The following CBL variants were observed in gnomAD, a reference collection of about 807,000 sequenced individuals.
CBL encodes Cbl proto-oncogene.
In CBL, 45 loss-of-function variants were observed where a neutral mutation model predicts 96.9. The ratio of observed to expected loss-of-function variants is 0.46; its 90% CI spans 0.37 to 0.60. CBL has a LOEUF of 0.60. Among genes scored for constraint, CBL ranks in the 20% least tolerant of loss-of-function variants. The pLI is 0.00. For synonymous variants in CBL, 420 were observed against 426.8 expected, an observed-to-expected ratio of 0.98 and a Z score of 0.20; for missense variants, 1,024 against 1,143.5, an observed-to-expected ratio of 0.90 and a Z score of 1.51.
chr11:119,240,941 C>T (rs565176187), intron 2 of CBL, among the ~76,000 whole-genome samples: 5 of 152,062 alleles, frequency 3.3e-5, no homozygotes, highest in East Asian at 1.9e-4. Flanking sequence ...GGTGTGGTAG[C>T]GGGCACCTGT....
At chr11:119,276,481 A>C (rs545085450) in intron 6 of CBL, among the ~76,000 whole-genome samples, 2 of 152,186 alleles carry the variant, frequency 1.3e-5, no homozygotes, top group African/African-American at 4.8e-5. Context: ...CAAGTGATTC[A>C]ATGTTCCTAA....
chr11:119,234,799 G>A (rs958813080), intron 2 of CBL, among the ~76,000 whole-genome samples: 6 of 152,188 alleles, frequency 3.9e-5, no homozygotes, highest in East Asian at 1.9e-4. Context: ...AGTGCTGTGC[G>A]AATACAGTTT....
chr11:119,263,310 A>G (rs1007964443), intron 2 of CBL, among the ~76,000 whole-genome samples: 2 of 152,232 alleles, frequency 1.3e-5, no homozygotes, highest in Non-Finnish European at 2.9e-5. Context: ...AGAAGTCATT[A>G]AAGATTTTCA....
chr11:119,288,474 G>GAT (rs1293680980), intron 12 of CBL, among the ~76,000 whole-genome samples: 1 of 106,446 alleles, frequency 9.4e-6, no homozygotes, highest in African/African-American at 3.2e-5. Flanking sequence ...TGTTTGCACA[G>GAT]ACAGAGAGAG....
At chr11:119,273,714 C>A (rs1017425402) in intron 3 of CBL, among the ~76,000 whole-genome samples, 154 bp from the exon 4 acceptor site, 1 of 152,214 alleles carries the variant, frequency 6.6e-6, no homozygotes, top group Non-Finnish European at 1.5e-5. Flanking sequence ...CCCCTTCTTT[C>A]TTTTCTTAAA....
chr11:119,212,747 A>G (rs903259345), intron 1 of CBL, among the ~76,000 whole-genome samples: 21 of 151,968 alleles, frequency 1.4e-4, no homozygotes, highest in African/African-American at 5.1e-4. Flanking sequence ...ACAGTGGCTC[A>G]CGCCTGTAAT....
chr11:119,289,676 A>AC (rs1294042619), intron 12 of CBL: 3 of 152,132 alleles, frequency 2.0e-5, no homozygotes, highest in African/African-American at 7.2e-5. Context: ...TGAAGTGAGC[A>AC]CAACTCCTTC....
chr11:119,259,488 CAG>C (rs1399743361), intron 2 of CBL, among the ~76,000 whole-genome samples: 2 of 152,030 alleles, frequency 1.3e-5, no homozygotes, highest in African/African-American at 2.4e-5. Flanking sequence ...CAAAAGTAAA[CAG>C]TATTTACTAA....
At chr11:119,268,197 G>C (rs1949818294) in intron 2 of CBL, among the ~76,000 whole-genome samples, 1 of 152,136 alleles carries the variant, frequency 6.6e-6, no homozygotes. Flanking sequence ...TCTTCAAAAG[G>C]CAGTTAAATG....
chr11:119,235,678 C>G (rs901032118), intron 2 of CBL, among the ~76,000 whole-genome samples: 3 of 152,146 alleles, frequency 2.0e-5, no homozygotes, highest in African/African-American at 7.2e-5. Context: ...AAAAAAAAGT[C>G]TGTGTATAAG....
chr11:119,271,795 C>CT lies in CBL; in HGVS notation c.507dup (p.Pro170SerfsTer14), dbSNP rs1565870423. The stretch of plus-strand genomic sequence containing the variant: ...ACATGCTGGCAGAACTAAAAGGAAT[C>CT]TTTCCAAGTGGACTCTTTCAGGGAG... On this transcript the variant is annotated frameshift_variant, in exon 3 of 16. Coordinates refer to ENST00000264033, the MANE Select transcript of CBL (RefSeq NM_005188.4). LOFTEE classifies it high-confidence loss of function. The CT allele has an allele frequency of 6.2e-7, 1 of 1,613,968 alleles. No individual in the cohort carries two copies. Among genetic ancestry groups the CT allele is most frequent in the Admixed American group, 1.7e-5 (1 of 60,018 alleles).
In CBL at chr11:119,232,448, G is replaced by A. The variant is rs757094442; in HGVS notation, c.196G>A (p.Val66Met). 1 of 1,613,524 alleles carries A rather than the reference G, an allele frequency of 6.2e-7. No homozygotes were observed. Among genetic ancestry groups the A allele is most frequent in the Non-Finnish European group, 8.5e-7 (1 of 1,179,982 alleles). Residue 66 changes from valine (V) to methionine (M), a missense_variant and splice_region_variant, in exon 2 of 16, where the codon GTG becomes ATG. Coordinates refer to ENST00000264033, the MANE Select transcript of CBL (RefSeq NM_005188.4). The part of the protein sequence containing the change: ...VEKCWKLMDK[V>M]VRLCQNPKLA... ...AGCCCTTCTTTTTCATTTGTTGCAG[G>A]TGGTGCGGTTGTGTCAGAACCCAAA...
intron 2 of CBL, among the ~76,000 whole-genome samples, chr11:119,265,130 C>CT (rs1158974006): frequency 1.3e-5 from 2 of 152,202 alleles, no homozygotes; most frequent in Non-Finnish European, 1.5e-5. Context: ...ATCTGCCGGC[C>CT]TCAGCCTCTC....
At chr11:119,222,771 A>G (rs1282717768) in intron 1 of CBL, among the ~76,000 whole-genome samples, 1 of 152,192 alleles carries the variant, frequency 6.6e-6, no homozygotes, top group Non-Finnish European at 1.5e-5. Context: ...GATGTTTGTT[A>G]ACTATTGACT....
intron 2 of CBL, among the ~76,000 whole-genome samples, chr11:119,257,275 CT>C: frequency 6.6e-6 from 1 of 152,228 alleles, no homozygotes; most frequent in Admixed American, 6.5e-5. Context: ...ATCTATTGTT[CT>C]TTTGATTTTT....
rs1309756286 is a variant in CBL at position 119,300,825 on chromosome 11, T to G, written c.*1044T>G. The G allele has an allele frequency of 2.8e-6, 1 of 358,840 alleles. No individual in the cohort carries two copies. The highest frequency in any genetic ancestry group is 5.0e-6 in the Non-Finnish European group (1 of 200,824). 22.2% of individuals were successfully genotyped at this position (358,840 alleles called of 1,614,324 possible). ...AGAACATTTGTTTCCAGGATGACTT[T>G]CTGGCCAGAATACCGGAAAGCTTTT... is the stretch of plus-strand genomic sequence containing the variant. On this transcript the variant is annotated 3_prime_UTR_variant, in exon 16 of 16. Transcript: ENST00000264033.
chr11:119,252,787 A>G (rs1365020471), intron 2 of CBL, among the ~76,000 whole-genome samples: 1 of 150,400 alleles, frequency 6.6e-6, no homozygotes, highest in East Asian at 1.9e-4. Flanking sequence ...GGCTGAGGGC[A>G]GGAGAATTGC....
chr11:119,244,020 C>T (rs569155030), intron 2 of CBL, among the ~76,000 whole-genome samples: 3 of 152,158 alleles, frequency 2.0e-5, no homozygotes, highest in African/African-American at 4.8e-5. Context: ...TGAGCCACTA[C>T]TCCTGACCTC....
chr11:119,228,201 C>G (rs959299826), intron 1 of CBL, among the ~76,000 whole-genome samples: 1 of 152,104 alleles, frequency 6.6e-6, no homozygotes, highest in Non-Finnish European at 1.5e-5. Context: ...CTGCAACCTC[C>G]GCCTCAAGCG....
Sources: allele counts gnomAD v4.1 joint callset (sites outside exome capture counted in the v4.1 genomes callset), GRCh38; gene constraint gnomAD v4.1.1; transcripts MANE v1.5; gene names NCBI Gene and HGNC (gene_info 2026-07-23, HGNC 2026-07-21).